The following SEPTIN11 variants were observed in gnomAD, a reference collection of about 807,000 sequenced individuals.
The protein encoded by SEPTIN11 is septin 11.
A neutral mutation model predicts 51.4 loss-of-function variants in SEPTIN11; 25 were observed. The ratio of observed to expected loss-of-function variants is 0.49; its 90% CI spans 0.35 to 0.68. The LOEUF (loss-of-function observed/expected upper bound fraction) is 0.68, where lower values mean the gene tolerates loss of function less well. Among genes scored for constraint, SEPTIN11 ranks in the 30% least tolerant of loss-of-function variants. SEPTIN11 has a pLI of 0.00. For synonymous variants in SEPTIN11, 174 were observed against 184.1 expected, an observed-to-expected ratio of 0.95 and a Z score of 0.44; for missense variants, 381 against 520.8, an observed-to-expected ratio of 0.73 and a Z score of 2.61.
intron 1 of SEPTIN11, among the ~76,000 whole-genome samples, chr4:76,951,019 C>A (rs550263094): frequency 7.2e-5 from 11 of 152,302 alleles, no homozygotes; most frequent in African/African-American, 2.6e-4. Context: ...TCTTCCCTTT[C>A]CCACAGCTGT....
chr4:76,989,110 A>C (rs1338559204), intron 1 of SEPTIN11, among the ~76,000 whole-genome samples: 2 of 152,206 alleles, frequency 1.3e-5, no homozygotes, highest in Non-Finnish European at 2.9e-5. Context: ...TTTAGAGGTA[A>C]TTTGATTAAA....
At chr4:76,985,824 A>C (rs1722997515) in intron 1 of SEPTIN11, among the ~76,000 whole-genome samples, 1 of 152,198 alleles carries the variant, frequency 6.6e-6, no homozygotes, top group African/African-American at 2.4e-5. Context: ...AAGGTTGGAG[A>C]GTATGACTTC....
At chr4:76,959,365 A>C (rs1241080409) in intron 1 of SEPTIN11, among the ~76,000 whole-genome samples, 1 of 150,872 alleles carries the variant, frequency 6.6e-6, no homozygotes, top group Non-Finnish European at 1.5e-5. Flanking sequence ...CCTCCTGTCT[A>C]GGCCTCCCAA....
At chr4:77,007,575 C>A (rs1724575960) in intron 3 of SEPTIN11, among the ~76,000 whole-genome samples, 1 of 152,194 alleles carries the variant, frequency 6.6e-6, no homozygotes, top group Non-Finnish European at 1.5e-5. Flanking sequence ...TAGCACAATG[C>A]ATATCCTCAT....
Position 77,028,769 on chromosome 4 carries a change from A to G in SEPTIN11, c.1086+8A>G, listed in dbSNP as rs140013809. 3.4e-4 allele frequency: 540 copies of G among 1,610,238 alleles called. 1 individual carries two copies. In the African/African-American group the frequency reaches 6.4e-3, roughly 19 times the overall value. ...AAGGAGGCAGAGAAAGAGGTAAGCC[A>G]TCTGTCCTGCTTCAAGGGAAAGATT... On this transcript the variant is annotated splice_region_variant and intron_variant, in intron 8 of 9. Transcript: ENST00000264893.
chr4:76,974,815 AC>A (rs772514278), intron 1 of SEPTIN11: 16 of 456,554 alleles, frequency 3.5e-5, no homozygotes, highest in Non-Finnish European at 6.6e-5. Flanking sequence ...ATGGTAAGCT[AC>A]CCTTTGTAAG....
At chr4:76,993,465 A>G (rs1450089607) in intron 1 of SEPTIN11, among the ~76,000 whole-genome samples, 1 of 152,120 alleles carries the variant, frequency 6.6e-6, no homozygotes, top group Non-Finnish European at 1.5e-5. Flanking sequence ...AGACCCCTCA[A>G]TCCTTGGCTT....
Position 77,005,644 on chromosome 4 carries a change from C to T in SEPTIN11, c.186C>T (p.Phe62=). The part of the protein sequence containing the change: ...IGKSTLMDTL[F]NTKFESDPAT... ...AATCCACGTTAATGGACACTTTGTTCAACACCAAATTTGAAAGTGACCCAG... is the reference window on the plus strand; with the variant it reads ...AATCCACGTTAATGGACACTTTGTTTAACACCAAATTTGAAAGTGACCCAG... Residue 62 remains phenylalanine (F), a synonymous_variant, in exon 3 of 10, where the codon TTC becomes TTT. Transcript: ENST00000264893. 6.2e-7 allele frequency: 1 copy of T among 1,613,954 alleles called. No individual in the cohort carries two copies. Among genetic ancestry groups the T allele is most frequent in the South Asian group, 1.1e-5 (1 of 91,054 alleles).
At chr4:76,986,699 T>C (rs1723051874) in intron 1 of SEPTIN11, among the ~76,000 whole-genome samples, 1 of 152,196 alleles carries the variant, frequency 6.6e-6, no homozygotes, top group African/African-American at 2.4e-5. Flanking sequence ...GTTCTACTAT[T>C]AGAAAAATTA....
chr4:76,955,260 T>G (rs535464535), intron 1 of SEPTIN11, among the ~76,000 whole-genome samples: 1 of 152,192 alleles, frequency 6.6e-6, no homozygotes, highest in Non-Finnish European at 1.5e-5. Context: ...GCTGAAATTA[T>G]GTTGGTGAGT....
chr4:77,020,145 C>G (rs1194299758), intron 6 of SEPTIN11, among the ~76,000 whole-genome samples: 1 of 152,112 alleles, frequency 6.6e-6, no homozygotes. Context: ...TGCTACCTCT[C>G]TTTGGGAGGT....
intron 2 of SEPTIN11, 88 bp downstream of exon 2, chr4:76,996,627 A>G: frequency 2.1e-6 from 2 of 944,288 alleles, no homozygotes; most frequent in Non-Finnish European, 1.7e-6. Context: ...GTGAAATAAG[A>G]ATGACATGTT....
intron 8 of SEPTIN11, among the ~76,000 whole-genome samples, chr4:77,029,813 T>C (rs1412722104): frequency 1.3e-5 from 2 of 149,652 alleles, no homozygotes; most frequent in Admixed American, 6.6e-5. Flanking sequence ...CACACATATA[T>C]ACATACACAT....
At chr4:77,015,962 C>G (rs1457572545) in intron 5 of SEPTIN11, among the ~76,000 whole-genome samples, 1 of 152,160 alleles carries the variant, frequency 6.6e-6, no homozygotes, top group East Asian at 1.9e-4. Context: ...CACCTTACTT[C>G]TTGGGAAGTA....
At chr4:76,992,962 A>G (rs904036) in intron 1 of SEPTIN11, among the ~76,000 whole-genome samples, 79,869 of 151,992 alleles carry the variant, frequency 0.53, 21,819 homozygotes, top group Middle Eastern at 0.62. Context: ...TGGAGACTTG[A>G]GGTTAGCCCA....
At chr4:77,020,179 G>A (rs957384225) in intron 6 of SEPTIN11, among the ~76,000 whole-genome samples, 2 of 152,108 alleles carry the variant, frequency 1.3e-5, no homozygotes, top group Admixed American at 6.5e-5. Context: ...AAGCTCCTGC[G>A]TCTGCAAAGC....
chr4:77,013,866 T>C (rs1376894925), intron 4 of SEPTIN11, among the ~76,000 whole-genome samples: 2 of 152,178 alleles, frequency 1.3e-5, no homozygotes, highest in African/African-American at 4.8e-5. Context: ...CTGAACTGGG[T>C]GAAGATCATA....
In SEPTIN11 at chr4:77,037,893, A is replaced by G. The variant is rs951931539; in HGVS notation, c.*3381A>G. ...ACTTATCTTCCTTCTCTGCTTTGTG[A>G]CTCACCAGCAGTAACACACACAATC... is the stretch of plus-strand genomic sequence containing the variant. On this transcript the variant is annotated 3_prime_UTR_variant, in exon 10 of 10. Coordinates refer to ENST00000264893, the MANE Select transcript of SEPTIN11 (RefSeq NM_018243.4). 2 of 985,740 alleles carry G rather than the reference A, an allele frequency of 2.0e-6. No individual in the cohort carries two copies. Among genetic ancestry groups the G allele is most frequent in the Admixed American group, 6.2e-5 (1 of 16,258 alleles). The allele number at this position is 985,740 out of a possible 1,614,324, so 61.1% of individuals were successfully genotyped here. A position where few individuals can be genotyped will look rare whatever the true frequency, so the allele number is the denominator to read the frequency against.
At chr4:76,985,005 C>G (rs1367227412) in intron 1 of SEPTIN11, 1 of 152,234 alleles carries the variant, frequency 6.6e-6, no homozygotes, top group African/African-American at 2.4e-5. Context: ...ATAAATACTT[C>G]TTGCCTATTT....
Sources: gnomAD v4.1 joint callset for allele counts (sites outside exome capture counted in the v4.1 genomes callset) on GRCh38, gnomAD v4.1.1 for gene constraint, MANE v1.5 for transcripts, NCBI Gene and HGNC (gene_info 2026-07-23, HGNC 2026-07-21) for gene names.